Variants in PRKCB observed in about 807,000 individuals in gnomAD.
PRKCB encodes protein kinase C beta.
Under a neutral mutation model 81.5 loss-of-function variants are expected in PRKCB, and 13 were observed. The ratio of observed to expected loss-of-function variants is 0.16; its 90% CI spans 0.10 to 0.25. The LOEUF (loss-of-function observed/expected upper bound fraction) is 0.25. PRKCB is among the 10% of genes least tolerant of loss of function. The pLI, the probability that PRKCB is intolerant of heterozygous loss-of-function variation, is 1.00. For missense variants in PRKCB, 509 were observed against 875.7 expected (o/e 0.58, Z 5.29); for synonymous variants, 335 against 321.4 (o/e 1.04, Z -0.45).
At position 23,950,132 on chromosome 16, in the gene PRKCB, A is replaced by AGTTTTTTTTTTTTTTTT. The variant is rs55986931; in HGVS notation, c.206-38376_206-38375insGTTTTTTTTTTTTTTTT. 1.9e-4 allele frequency among the ~76,000 whole-genome samples: 19 copies of AGTTTTTTTTTTTTTTTT among 97,760 alleles called. 5 individuals are homozygous for AGTTTTTTTTTTTTTTTT. Among genetic ancestry groups the AGTTTTTTTTTTTTTTTT allele is most frequent in the South Asian group, 6.8e-4 (2 of 2,930 alleles). 64.1% of individuals were successfully genotyped at this position (97,760 alleles called of 152,430 possible). A position where few individuals can be genotyped will look rare whatever the true frequency, so the allele number is the denominator to read the frequency against. Reference sequence around the variant, plus strand: ...AGCAGCATTGGCCCCTATGATTTGAATTTTTTTTTTTTTTTTTTTTTTTTT... The same window carrying AGTTTTTTTTTTTTTTTT: ...AGCAGCATTGGCCCCTATGATTTGAAGTTTTTTTTTTTTTTTTTTTTTTTTTTTTTTTTTTTTTTTTT... On this transcript the variant is annotated intron_variant, in intron 2 of 16. Coordinates refer to ENST00000643927, the MANE Select transcript of PRKCB (RefSeq NM_002738.7).
At chr16:23,869,881 G>T (rs1339483609) in intron 2 of PRKCB, among the ~76,000 whole-genome samples, 1 of 152,130 alleles carries the variant, frequency 6.6e-6, no homozygotes, top group Admixed American at 6.5e-5. Flanking sequence ...AATTAGCCAG[G>T]CATGCTGGCA....
chr16:24,163,327 AG>A (rs1018403444), intron 10 of PRKCB, among the ~76,000 whole-genome samples: 13 of 152,180 alleles, frequency 8.5e-5, no homozygotes, highest in African/African-American at 2.4e-4. Flanking sequence ...CTCCCAGGGG[AG>A]GAAACTGGTG....
At chr16:23,921,318 C>T (rs1202164808) in intron 2 of PRKCB, among the ~76,000 whole-genome samples, 2 of 152,146 alleles carry the variant, frequency 1.3e-5, no homozygotes, top group Non-Finnish European at 2.9e-5. Context: ...AGACCCACCT[C>T]ATAGGGATTG....
intron 2 of PRKCB, among the ~76,000 whole-genome samples, chr16:23,982,063 CTTCTCTTTCCCTTCCCT>C (rs1480858761): frequency 2.8e-4 from 10 of 36,166 alleles, no homozygotes; most frequent in Non-Finnish European, 4.6e-4. Flanking sequence ...TTCCCTTCCC[CTTCTCTTTCCCTTCCCT>C]TTCCCTTCCC....
Position 23,915,195 on chromosome 16 carries a change from A to G in PRKCB, c.206-73313A>G, listed in dbSNP as rs3785393. ...ACACATTACTGTTTACATGACTGAAATGAGAGGCTGGCTGCTTATTTTATG... is the reference window on the plus strand; with the variant it reads ...ACACATTACTGTTTACATGACTGAAGTGAGAGGCTGGCTGCTTATTTTATG... On this transcript the variant is annotated intron_variant, in intron 2 of 16. Transcript: ENST00000643927. Among the ~76,000 whole-genome samples the G allele has an allele frequency of 2.4e-4, 36 of 152,294 alleles. No individual in the cohort carries two copies. In the East Asian group the frequency reaches 6.4e-3, roughly 27 times the overall value.
At chr16:24,037,709 A>C (rs1270878931) in intron 5 of PRKCB, among the ~76,000 whole-genome samples, 3 of 152,082 alleles carry the variant, frequency 2.0e-5, no homozygotes, top group Admixed American at 6.6e-5. Context: ...TTCAAGGTCA[A>C]AGTCTTCCCC....
At chr16:23,847,758 T>A (rs1352112321) in intron 2 of PRKCB, among the ~76,000 whole-genome samples, 2 of 152,212 alleles carry the variant, frequency 1.3e-5, no homozygotes, top group East Asian at 3.8e-4. Flanking sequence ...ACGAATATAT[T>A]GTATAATGTC....
chr16:24,041,749 T>C (rs951447703), intron 5 of PRKCB, among the ~76,000 whole-genome samples: 1 of 151,902 alleles, frequency 6.6e-6, no homozygotes, highest in Non-Finnish European at 1.5e-5. Flanking sequence ...TCCCAGCATT[T>C]TGGGAGGCTG....
intron 3 of PRKCB, among the ~76,000 whole-genome samples, chr16:24,008,452 G>A (rs943070562): frequency 1.3e-5 from 2 of 152,236 alleles, no homozygotes; most frequent in East Asian, 1.9e-4. Flanking sequence ...TTGGAATCAA[G>A]GGTGCTGGTT....
chr16:23,932,850 G>C (rs1328970481), intron 2 of PRKCB, among the ~76,000 whole-genome samples: 1 of 152,136 alleles, frequency 6.6e-6, no homozygotes, highest in Non-Finnish European at 1.5e-5. Context: ...TCTGTTGCTT[G>C]CAAATCTTAA....
In PRKCB at chr16:24,180,721, G is replaced by A; in HGVS notation, c.1395-69G>A. ...CCTAACACAGTGTTTTATGCATAAT[G>A]AGTGGCTGTTGGTTGGCTTGAAATG... On this transcript the variant is annotated intron_variant, in intron 12 of 16. Transcript: ENST00000643927. 1.9e-6 allele frequency: 3 copies of A among 1,553,860 alleles called. No individual in the cohort carries two copies. The South Asian group carries it at 3.6e-5, about 19-fold the overall frequency.
chr16:23,930,258 A>AT (rs1963952172), intron 2 of PRKCB, among the ~76,000 whole-genome samples: 3 of 151,776 alleles, frequency 2.0e-5, no homozygotes, highest in African/African-American at 7.3e-5. Flanking sequence ...AAGGTGAGTT[A>AT]TTTTTTTCCC....
chr16:24,020,834 A>G (rs1301993101), intron 3 of PRKCB, among the ~76,000 whole-genome samples: 1 of 151,958 alleles, frequency 6.6e-6, no homozygotes, highest in African/African-American at 2.4e-5. Context: ...TTTCTCCTCT[A>G]TGGATGCTGT....
chr16:23,976,843 A>G (rs1055556044), intron 2 of PRKCB, among the ~76,000 whole-genome samples: 3 of 152,180 alleles, frequency 2.0e-5, no homozygotes, highest in African/African-American at 7.2e-5. Context: ...TGTTCTGCTC[A>G]GGGTCTGGCT....
rs192474372 is a variant in PRKCB at position 24,220,266 on chromosome 16, C to T, written c.*5450C>T. On this transcript the variant is annotated 3_prime_UTR_variant, in exon 17 of 17. Coordinates refer to ENST00000643927, the MANE Select transcript of PRKCB (RefSeq NM_002738.7). ...GGCTTTTCTTTGTATGTGTAGCTTG[C>T]TAGTTTGTTTTCTACATTTGAAAAT... The T allele has an allele frequency of 7.3e-5, 64 of 881,788 alleles. No individual in the cohort carries two copies. The Admixed American group carries it at 1.8e-3, about 25-fold the overall frequency. The allele number at this position is 881,788 out of a possible 1,614,324, so 54.6% of individuals were successfully genotyped here.
intron 3 of PRKCB, among the ~76,000 whole-genome samples, chr16:24,015,852 G>A (rs1965271276): frequency 6.6e-6 from 1 of 152,192 alleles, no homozygotes; most frequent in South Asian, 2.1e-4. Context: ...TATAGCTGTA[G>A]TAGAAGGAAT....
intron 9 of PRKCB, 57 bp downstream of exon 9, chr16:24,124,038 C>T: frequency 6.3e-7 from 1 of 1,597,878 alleles, no homozygotes; most frequent in Non-Finnish European, 8.6e-7. Flanking sequence ...ACAACACAGG[C>T]ACATTTGCTG....
At chr16:24,155,254 A>G (rs1171917636) in intron 10 of PRKCB, among the ~76,000 whole-genome samples, 1 of 152,130 alleles carries the variant, frequency 6.6e-6, no homozygotes, top group East Asian at 1.9e-4. Context: ...AGGCCTTTGC[A>G]TGGGCCTCAT....
intron 4 of PRKCB, among the ~76,000 whole-genome samples, chr16:24,033,378 C>T (rs1302842246): frequency 1.3e-5 from 2 of 152,134 alleles, no homozygotes; most frequent in African/African-American, 4.8e-5. Flanking sequence ...ACATGCAACC[C>T]TAACACAGGG....
Sources: allele counts gnomAD v4.1 joint callset (sites outside exome capture counted in the v4.1 genomes callset), GRCh38; gene constraint gnomAD v4.1.1; transcripts MANE v1.5; gene names NCBI Gene and HGNC (gene_info 2026-07-23, HGNC 2026-07-21).